ADGRF5: variants seen among roughly 807,000 people sequenced by gnomAD.
The protein encoded by ADGRF5 is adhesion G protein-coupled receptor F5.
A neutral mutation model predicts 132.3 loss-of-function variants in ADGRF5; 75 were observed. That is an observed-to-expected ratio of 0.57 (90% confidence interval 0.47 to 0.69). The LOEUF (loss-of-function observed/expected upper bound fraction) is 0.69, where lower values mean the gene tolerates loss of function less well. ADGRF5 is among the 30% of genes least tolerant of loss of function. The pLI is 0.00. For synonymous variants in ADGRF5, 629 were observed against 597.6 expected, an observed-to-expected ratio of 1.05 and a Z score of -0.77; for missense variants, 1,516 against 1,630.6, an observed-to-expected ratio of 0.93 and a Z score of 1.21.
chr6:46,887,570 A>G (rs1001811386), intron 4 of ADGRF5, among the ~76,000 whole-genome samples: 1 of 152,216 alleles, frequency 6.6e-6, no homozygotes, highest in Non-Finnish European at 1.5e-5. Context: ...ATTAAAATGC[A>G]TGTACCGACA....
chr6:46,873,977 G>A (rs373011668), intron 10 of ADGRF5, among the ~76,000 whole-genome samples: 2 of 152,086 alleles, frequency 1.3e-5, no homozygotes, highest in African/African-American at 4.8e-5. Context: ...ATGGTAACTT[G>A]CTCAGACCCC....
chr6:46,887,044 C>T (rs965163458), intron 4 of ADGRF5: 7 of 152,088 alleles, frequency 4.6e-5, no homozygotes, highest in African/African-American at 1.7e-4. Context: ...GTCATCCCAT[C>T]TCTAGTAGAA....
At chr6:46,908,935 T>C (rs1775663806) in intron 1 of ADGRF5, 1 of 152,182 alleles carries the variant, frequency 6.6e-6, no homozygotes, top group South Asian at 2.1e-4. Flanking sequence ...CTGTATGGAA[T>C]GGACCTGACC....
chr6:46,892,087 C>T (rs758442769), intron 3 of ADGRF5, among the ~76,000 whole-genome samples: 1 of 151,584 alleles, frequency 6.6e-6, no homozygotes, highest in East Asian at 1.9e-4. Context: ...GGCTTACTCT[C>T]GGAAATCATC....
intron 1 of ADGRF5, among the ~76,000 whole-genome samples, chr6:46,930,696 T>A (rs1345000565): frequency 6.6e-6 from 1 of 152,210 alleles, no homozygotes; most frequent in Non-Finnish European, 1.5e-5. Context: ...TTTCACACCT[T>A]CTCTTCTCTC....
At chr6:46,911,315 T>G (rs1775928803) in intron 1 of ADGRF5, among the ~76,000 whole-genome samples, 1 of 152,204 alleles carries the variant, frequency 6.6e-6, no homozygotes, top group Admixed American at 6.5e-5. Flanking sequence ...TCAGCTGCTT[T>G]TTCATAAGTT....
In ADGRF5 at chr6:46,887,545, T is replaced by G. The variant is rs148644761; in HGVS notation, c.328+790A>C. ...GGGAGCTATGACTTCGAGTAACATA[T>G]ATTAAGAATCAAAAATTAAAATGCA... is the stretch of plus-strand genomic sequence containing the variant. On this transcript the variant is annotated intron_variant, in intron 4 of 20. Coordinates refer to ENST00000283296, the MANE Select transcript of ADGRF5 (RefSeq NM_001098518.2). Among the ~76,000 whole-genome samples the G allele has an allele frequency of 8.9e-3, 1,352 of 152,334 alleles. 22 individuals carry two copies. Among genetic ancestry groups the G allele is most frequent in the African/African-American group, 0.03 (1,228 of 41,566 alleles).
At chr6:46,911,643 T>A (rs1417277154) in intron 1 of ADGRF5, among the ~76,000 whole-genome samples, 1 of 152,180 alleles carries the variant, frequency 6.6e-6, no homozygotes, top group Non-Finnish European at 1.5e-5. Flanking sequence ...TACACACACT[T>A]AGTCTAGGCC....
Position 46,868,995 on chromosome 6 carries a change from A to G in ADGRF5, c.1509T>C (p.Tyr503=), listed in dbSNP as rs759337776. Residue 503 remains tyrosine, a synonymous_variant, in exon 12 of 21, where the codon TAT becomes TAC. Transcript: ENST00000283296. Reference sequence around the variant, plus strand: ...TTTTAATTCCAGCAGAAGTGTTCCAATAAACCTCATCATAGTTACTCACAT... The same window carrying G: ...TTTTAATTCCAGCAGAAGTGTTCCAGTAAACCTCATCATAGTTACTCACAT... ...ISDVSNYDEV[Y]WNTSAGIKIY... is the part of the protein sequence containing the mutation. 26 of 1,613,202 alleles carry G rather than the reference A, an allele frequency of 1.6e-5. No homozygotes were observed. Among genetic ancestry groups the G allele is most frequent in the Non-Finnish European group, 2.2e-5 (26 of 1,179,218 alleles).
chr6:46,900,853 A>G (rs757575483), intron 2 of ADGRF5, among the ~76,000 whole-genome samples: 4 of 152,220 alleles, frequency 2.6e-5, no homozygotes, highest in Non-Finnish European at 1.5e-5. Context: ...CAGTGTGGTG[A>G]CTAAAAGTAA....
intron 1 of ADGRF5, among the ~76,000 whole-genome samples, chr6:46,917,223 G>T (rs569780481): frequency 6.6e-6 from 1 of 152,328 alleles, no homozygotes; most frequent in South Asian, 2.1e-4. Flanking sequence ...AAGTGGCCAA[G>T]TTTGTCTCCA....
Position 46,862,889 on chromosome 6 carries a change from T to C in ADGRF5, c.2198A>G (p.Lys733Arg). The change falls in exon 15 of 21, where the codon AAG becomes AGG. Residue 733 changes from lysine to arginine, a missense_variant and splice_region_variant. Transcript: ENST00000283296. ...APINSLLQMA[K>R]ALIKSPSQDE... ...CAGAGTGGAAGCTTTAAGGATCACC[T>C]TAGCCATCTGGAGCAGACTGTTTAT... is the stretch of plus-strand genomic sequence containing the variant. 1 of 1,602,712 alleles carries C rather than the reference T, an allele frequency of 6.2e-7. No homozygotes were observed. The highest frequency in any genetic ancestry group is 2.2e-5 in the East Asian group (1 of 44,784).
chr6:46,853,800 A>G lies in ADGRF5; in HGVS notation c.*192T>C, dbSNP rs1768733389. On this transcript the variant is annotated 3_prime_UTR_variant, in exon 21 of 21. Coordinates refer to ENST00000283296, the MANE Select transcript of ADGRF5 (RefSeq NM_001098518.2). ...ATCACACAAGGGGGAGGGGGAGGGAACAAACAGAAACATAACAATTATTTT... is the reference window on the plus strand; with the variant it reads ...ATCACACAAGGGGGAGGGGGAGGGAGCAAACAGAAACATAACAATTATTTT... 2.2e-6 allele frequency: 1 copy of G among 454,472 alleles called. No homozygotes were observed. The highest frequency in any genetic ancestry group is 3.9e-6 in the Non-Finnish European group (1 of 256,392). The allele number at this position is 454,472 out of a possible 1,614,324, so 28.2% of individuals were successfully genotyped here.
At chr6:46,885,362 A>G (rs1222667585) in intron 4 of ADGRF5, among the ~76,000 whole-genome samples, 1 of 152,194 alleles carries the variant, frequency 6.6e-6, no homozygotes, top group African/African-American at 2.4e-5. Context: ...AGCTGCTCTA[A>G]GATTTCTGAC....
intron 1 of ADGRF5, chr6:46,908,083 T>TTGCCA (rs1429197300): frequency 6.6e-6 from 1 of 152,190 alleles, no homozygotes; most frequent in African/African-American, 2.4e-5. Context: ...TGTATTTCAA[T>TTGCCA]TGCCAGCTGA....
At chr6:46,893,327 T>C (rs1208491237) in intron 3 of ADGRF5, among the ~76,000 whole-genome samples, 3 of 152,212 alleles carry the variant, frequency 2.0e-5, no homozygotes, top group East Asian at 1.9e-4. Context: ...AACAGTATCA[T>C]GGTCCTATAG....
chr6:46,938,606 T>C (rs1264430009), intron 1 of ADGRF5, among the ~76,000 whole-genome samples: 1 of 152,182 alleles, frequency 6.6e-6, no homozygotes, highest in East Asian at 1.9e-4. Flanking sequence ...CTGCACTAGG[T>C]TGCAGAGATT....
intron 2 of ADGRF5, among the ~76,000 whole-genome samples, chr6:46,900,761 A>T (rs1300176503): frequency 6.6e-6 from 1 of 152,190 alleles, no homozygotes; most frequent in African/African-American, 2.4e-5. Context: ...AACAATATCA[A>T]CTTCATAGGT....
chr6:46,922,419 GT>G (rs1438342202), upstream of ADGRF5, among the ~76,000 whole-genome samples: 1 of 152,200 alleles, frequency 6.6e-6, no homozygotes, highest in African/African-American at 2.4e-5. Flanking sequence ...GTTCTCCTAG[GT>G]TTCCAGGGAA....
Sources: gnomAD v4.1 joint callset for allele counts (sites outside exome capture counted in the v4.1 genomes callset) on GRCh38, gnomAD v4.1.1 for gene constraint, MANE v1.5 for transcripts, NCBI Gene and HGNC (gene_info 2026-07-23, HGNC 2026-07-21) for gene names.